The following MIPEP variants were observed in gnomAD, a reference collection of about 807,000 sequenced individuals.
MIPEP encodes mitochondrial intermediate peptidase.
MIPEP carries 79 observed loss-of-function variants against 90.3 expected under a neutral mutation model. That is an observed-to-expected ratio of 0.87 (90% confidence interval 0.73 to 1.05). The LOEUF is 1.05. Ranked by LOEUF, MIPEP falls within the 50% of genes least tolerant of loss-of-function variation. The pLI is 0.00. For synonymous variants in MIPEP, 334 were observed against 315.8 expected, an observed-to-expected ratio of 1.06 and a Z score of -0.61; for missense variants, 940 against 905.6, an observed-to-expected ratio of 1.04 and a Z score of -0.49.
chr13:23,878,549 GAACA>G (rs1871157559), intron 4 of MIPEP, among the ~76,000 whole-genome samples: 1 of 151,930 alleles, frequency 6.6e-6, no homozygotes, highest in Non-Finnish European at 1.5e-5. Context: ...AGATAAACAG[GAACA>G]AACAAATGAG....
intron 18 of MIPEP, among the ~76,000 whole-genome samples, chr13:23,740,642 A>C (rs999427857): frequency 6.6e-6 from 1 of 152,152 alleles, no homozygotes; most frequent in African/African-American, 2.4e-5. Context: ...TTTTCACTTA[A>C]ATGATTCTGT....
intron 14 of MIPEP, among the ~76,000 whole-genome samples, chr13:23,829,973 C>T (rs2137442117): frequency 6.6e-6 from 1 of 152,308 alleles, no homozygotes; most frequent in Middle Eastern, 3.4e-3. Context: ...AATGAGGATG[C>T]TGCACGATAG....
intron 14 of MIPEP, among the ~76,000 whole-genome samples, chr13:23,830,034 T>C (rs1868662434): frequency 6.6e-6 from 1 of 152,136 alleles, no homozygotes; most frequent in Non-Finnish European, 1.5e-5. Context: ...TGAAAAACAA[T>C]TTGGCATTAT....
intron 18 of MIPEP, chr13:23,747,595 A>C (rs1461216584): frequency 2.0e-6 from 1 of 494,498 alleles, no homozygotes; most frequent in Admixed American, 2.1e-5. Context: ...AGACAGCACA[A>C]TGGCTATATA....
chr13:23,835,355 C>CA lies in MIPEP; in HGVS notation c.1653+884dup, dbSNP rs903729998. ...ATTATTCTACAGATAAAATCAAGTC[C>CA]AAAAAAAAAAATGACCAAATAATAT... On this transcript the variant is annotated intron_variant, in intron 14 of 18. Transcript: ENST00000382172. 8.5e-3 allele frequency among the ~76,000 whole-genome samples: 1,202 copies of CA among 142,038 alleles called. 14 individuals are homozygous for CA. Among genetic ancestry groups the CA allele is most frequent in the African/African-American group, 0.022 (857 of 38,862 alleles). The allele number at this position is 142,038 out of a possible 152,430, so 93.2% of individuals were successfully genotyped here.
At chr13:23,778,478 G>A (rs2137357144) in intron 16 of MIPEP, among the ~76,000 whole-genome samples, 1 of 152,248 alleles carries the variant, frequency 6.6e-6, no homozygotes, top group Non-Finnish European at 1.5e-5. Flanking sequence ...GCATTATCAT[G>A]GGGACCCCTG....
chr13:23,815,928 C>G (rs1953229640), intron 14 of MIPEP, among the ~76,000 whole-genome samples: 1 of 152,210 alleles, frequency 6.6e-6, no homozygotes, highest in Non-Finnish European at 1.5e-5. Context: ...AATACTGGCA[C>G]TAATCAGAAA....
chr13:23,774,975 T>G (rs1952697034), intron 16 of MIPEP, among the ~76,000 whole-genome samples: 1 of 151,946 alleles, frequency 6.6e-6, no homozygotes, highest in African/African-American at 2.4e-5. Context: ...TTTGTATTTT[T>G]AGTAGAGACA....
At position 23,889,150 on chromosome 13, in the gene MIPEP, G is replaced by A; in HGVS notation, c.171C>T (p.Asp57=). ...FNVKPQGSRL[D]LFGERRGLFG... Reference sequence around the variant, plus strand: ...CGCTCACCCGGCGCTCGCCGAACAGGTCCAAGCGGCTGCCCTGGGGCTTGA... The same window carrying A: ...CGCTCACCCGGCGCTCGCCGAACAGATCCAAGCGGCTGCCCTGGGGCTTGA... The change falls in exon 1 of 19, where the codon GAC becomes GAT. Residue 57 remains aspartate (D), a synonymous_variant. Coordinates refer to ENST00000382172, the MANE Select transcript of MIPEP (RefSeq NM_005932.4). 6.9e-7 allele frequency: 1 copy of A among 1,459,640 alleles called. No homozygotes were observed. The highest frequency in any genetic ancestry group is 9.0e-7 in the Non-Finnish European group (1 of 1,107,300). 90.4% of individuals were successfully genotyped at this position (1,459,640 alleles called of 1,614,324 possible). A position where few individuals can be genotyped will look rare whatever the true frequency, so the allele number is the denominator to read the frequency against.
rs371260499 is a variant in MIPEP, at chr13:23,889,183, G to C, written c.138C>G (p.Ala46=). The C allele has an allele frequency of 5.2e-5, 77 of 1,466,852 alleles. 1 individual carries two copies. The African/African-American group carries it at 8.3e-4, about 16-fold the overall frequency. 90.9% of individuals were successfully genotyped at this position (1,466,852 alleles called of 1,614,324 possible). A position where few individuals can be genotyped will look rare whatever the true frequency, so the allele number is the denominator to read the frequency against. Residue 46 remains alanine, a synonymous_variant, in exon 1 of 19, where the codon GCC becomes GCG. Coordinates refer to ENST00000382172, the MANE Select transcript of MIPEP (RefSeq NM_005932.4). ...VSTSWSPVGA[A]FNVKPQGSRL... is the part of the protein sequence containing the mutation. The stretch of plus-strand genomic sequence containing the variant: ...GGCTGCCCTGGGGCTTGACATTGAA[G>C]GCGGCGCCCACGGGAGACCAGCTGG...
At chr13:23,864,847 C>T (rs574061360) in intron 7 of MIPEP, among the ~76,000 whole-genome samples, 4 of 151,574 alleles carry the variant, frequency 2.6e-5, no homozygotes, top group East Asian at 1.9e-4. Context: ...ACATGTCTGA[C>T]GTTTTCAGAG....
At chr13:23,834,411 T>G (rs1403565326) in intron 14 of MIPEP, among the ~76,000 whole-genome samples, 1 of 152,124 alleles carries the variant, frequency 6.6e-6, no homozygotes, top group Non-Finnish European at 1.5e-5. Flanking sequence ...GCTCCTCCCC[T>G]CTCCTGGGCT....
rs1305252137 is a variant in MIPEP at position 23,814,783 on chromosome 13, T to C, written c.1654-4859A>G. Among the ~76,000 whole-genome samples, 3 of 152,190 alleles carry C rather than the reference T, an allele frequency of 2.0e-5. No individual in the cohort carries two copies. In the East Asian group the frequency reaches 5.8e-4, roughly 29 times the overall value. On this transcript the variant is annotated intron_variant, in intron 14 of 18. Coordinates refer to ENST00000382172, the MANE Select transcript of MIPEP (RefSeq NM_005932.4). Reference sequence around the variant, plus strand: ...TAATCAAGAAATACCATTCGTTCCATGAACTTAACCCATTACAGTAGAACT... The same window carrying C: ...TAATCAAGAAATACCATTCGTTCCACGAACTTAACCCATTACAGTAGAACT...
chr13:23,831,982 G>A (rs1770064918), intron 14 of MIPEP, among the ~76,000 whole-genome samples: 1 of 152,136 alleles, frequency 6.6e-6, no homozygotes, highest in Non-Finnish European at 1.5e-5. Flanking sequence ...CAGATTTGGG[G>A]AGAGAGCACA....
At chr13:23,873,922 C>T (rs551436334) in intron 5 of MIPEP, among the ~76,000 whole-genome samples, 3 of 152,210 alleles carry the variant, frequency 2.0e-5, no homozygotes, top group South Asian at 4.2e-4. Flanking sequence ...ACCTTTAATG[C>T]CACACAAACA....
intron 16 of MIPEP, among the ~76,000 whole-genome samples, chr13:23,802,979 GT>G (rs1953062735): frequency 6.6e-6 from 1 of 152,174 alleles, no homozygotes; most frequent in South Asian, 2.1e-4. Context: ...ACTTATGATA[GT>G]TTCAACTTAC....
intron 16 of MIPEP, among the ~76,000 whole-genome samples, chr13:23,777,543 T>C (rs369677641): frequency 6.6e-6 from 1 of 152,168 alleles, no homozygotes. Flanking sequence ...ACGGTACACA[T>C]GGTTACACAG....
rs143670641 is a variant in MIPEP at position 23,883,608 on chromosome 13, C to A, written c.364-1821G>T. Among the ~76,000 whole-genome samples the A allele has an allele frequency of 2.6e-3, 401 of 152,286 alleles. 2 individuals carry two copies. The highest frequency in any genetic ancestry group is 9.4e-3 in the African/African-American group (390 of 41,556). ...GTAAACAATATGTAAATAGCTGATACACTGTATTGTTTTATGGAACAGTGA... is the reference window on the plus strand; with the variant it reads ...GTAAACAATATGTAAATAGCTGATAAACTGTATTGTTTTATGGAACAGTGA... On this transcript the variant is annotated intron_variant, in intron 2 of 18. Transcript: ENST00000382172.
intron 14 of MIPEP, among the ~76,000 whole-genome samples, chr13:23,819,826 T>C (rs1272069010): frequency 6.6e-6 from 1 of 152,052 alleles, no homozygotes; most frequent in African/African-American, 2.4e-5. Flanking sequence ...CTGGCCAACA[T>C]GGTGAAACCC....
Sources: gnomAD v4.1 joint callset for allele counts (sites outside exome capture counted in the v4.1 genomes callset) on GRCh38, gnomAD v4.1.1 for gene constraint, MANE v1.5 for transcripts, NCBI Gene and HGNC (gene_info 2026-07-23, HGNC 2026-07-21) for gene names.